RYR2: variants seen among roughly 807,000 people sequenced by gnomAD.
RYR2 encodes cardiac muscle ryanodine receptor-calcium release channel.
A neutral mutation model predicts 601.1 loss-of-function variants in RYR2; 227 were observed. The ratio of observed to expected loss-of-function variants is 0.38; its 90% CI spans 0.34 to 0.42. The LOEUF is 0.42. Ranked by LOEUF, RYR2 falls within the 10% of genes least tolerant of loss-of-function variation. RYR2 has a pLI of 1.00. For synonymous variants in RYR2, 2,223 were observed against 2,175.1 expected, an observed-to-expected ratio of 1.02 and a Z score of -0.61; for missense variants, 4,646 against 6,156.5, an observed-to-expected ratio of 0.75 and a Z score of 8.21.
intron 94 of RYR2, 85 bp downstream of exon 94, chr1:237,792,408 T>C (rs564072648): frequency 6.8e-5 from 49 of 716,590 alleles, no homozygotes; most frequent in Admixed American, 1.2e-4. Context: ...CGTGTGTGTG[T>C]GTGTGTGTGT....
intron 24 of RYR2, among the ~76,000 whole-genome samples, chr1:237,518,351 C>T (rs928934614): frequency 6.6e-6 from 1 of 151,966 alleles, no homozygotes; most frequent in Admixed American, 6.6e-5. Context: ...TGAGGGTATC[C>T]ATCACCCAGT....
At chr1:237,141,719 T>C (rs1673412200) in intron 1 of RYR2, among the ~76,000 whole-genome samples, 2 of 152,232 alleles carry the variant, frequency 1.3e-5, no homozygotes, top group African/African-American at 4.8e-5. Context: ...TTTAAGCTGC[T>C]TTTAAGCTAA....
At chr1:237,374,932 T>A (rs549003933) in intron 7 of RYR2, 137 bp downstream of exon 7, 1 of 672,076 alleles carries the variant, frequency 1.5e-6, no homozygotes, top group Non-Finnish European at 2.5e-6. Context: ...AATGAAAGTT[T>A]TTCCTAGAAG....
intron 63 of RYR2, among the ~76,000 whole-genome samples, chr1:237,695,722 T>C (rs1687364309): frequency 6.6e-6 from 1 of 152,202 alleles, no homozygotes; most frequent in Non-Finnish European, 1.5e-5. Flanking sequence ...TCACATTATT[T>C]TAGGCTTCTT....
intron 63 of RYR2, among the ~76,000 whole-genome samples, chr1:237,690,488 G>C (rs1332998150): frequency 2.0e-5 from 3 of 152,182 alleles, no homozygotes; most frequent in Non-Finnish European, 4.4e-5. Context: ...AAAATTATTA[G>C]ATTTTATTAA....
chr1:237,322,438 G>C (rs1344782585), intron 2 of RYR2, among the ~76,000 whole-genome samples: 9 of 152,096 alleles, frequency 5.9e-5, no homozygotes, highest in Non-Finnish European at 1.3e-4. Flanking sequence ...ATGAGACAAG[G>C]AACTATGGCT....
At chr1:237,822,089 G>A (rs945141224) in intron 101 of RYR2, among the ~76,000 whole-genome samples, 1 of 152,058 alleles carries the variant, frequency 6.6e-6, no homozygotes, top group East Asian at 1.9e-4. Flanking sequence ...GAACCAAGTT[G>A]GAAAACACTC....
intron 1 of RYR2, among the ~76,000 whole-genome samples, chr1:237,124,541 G>C (rs1427285598): frequency 6.6e-6 from 1 of 152,204 alleles, no homozygotes; most frequent in Non-Finnish European, 1.5e-5. Context: ...GGTTCTAGGA[G>C]AGAATCCGTT....
At chr1:237,666,247 T>C (rs1053810038) in intron 56 of RYR2, among the ~76,000 whole-genome samples, 5 of 152,230 alleles carry the variant, frequency 3.3e-5, no homozygotes, top group Non-Finnish European at 7.3e-5. Context: ...CATAAGATAA[T>C]GTTTCAGAAT....
chr1:237,580,155 C>CTTTTTTTTTTT (rs58145628), intron 29 of RYR2, among the ~76,000 whole-genome samples: 28 of 116,624 alleles, frequency 2.4e-4, no homozygotes, highest in Non-Finnish European at 3.9e-4. Flanking sequence ...CACAACAATT[C>CTTTTTTTTTTT]TTTTTTTTTT....
At chr1:237,623,272 T>A (rs1247761412) in intron 38 of RYR2, among the ~76,000 whole-genome samples, 1 of 152,158 alleles carries the variant, frequency 6.6e-6, no homozygotes, top group Non-Finnish European at 1.5e-5. Flanking sequence ...CTGGTTGGAT[T>A]GTGTGATGGA....
chr1:237,308,645 T>C (rs12164577), intron 2 of RYR2, among the ~76,000 whole-genome samples: 67,971 of 151,848 alleles, frequency 0.45, 15,984 homozygotes, highest in African/African-American at 0.59. Flanking sequence ...TTCCTGGTCT[T>C]GCTGGCCTCA....
At chr1:237,672,619 C>T (rs1450878618) in intron 58 of RYR2, among the ~76,000 whole-genome samples, 3 of 152,150 alleles carry the variant, frequency 2.0e-5, no homozygotes, top group East Asian at 3.8e-4. Context: ...TCAAAAACTG[C>T]TCTTGTAGCT....
At position 237,084,058 on chromosome 1, in the gene RYR2, C is replaced by T. The variant is rs1176184037; in HGVS notation, c.48+41489C>T. On this transcript the variant is annotated intron_variant, in intron 1 of 104. Transcript: ENST00000366574. ...GGGCCTCTCTTGGTTCTCTCACTGTCCAAGTGTGAATGCCTCCAGAGTTTG... is the reference window on the plus strand; with the variant it reads ...GGGCCTCTCTTGGTTCTCTCACTGTTCAAGTGTGAATGCCTCCAGAGTTTG... Among the ~76,000 whole-genome samples the T allele has an allele frequency of 3.3e-5, 5 of 152,268 alleles. 1 individual carries two copies. The East Asian group carries it at 9.7e-4, about 29-fold the overall frequency.
At chr1:237,769,132 ATTGAT>A (rs1407526089) in intron 84 of RYR2, among the ~76,000 whole-genome samples, 6 of 152,154 alleles carry the variant, frequency 3.9e-5, no homozygotes, top group East Asian at 3.9e-4. Flanking sequence ...GGTTTATTGA[ATTGAT>A]TTGTTTTTTG....
intron 16 of RYR2, among the ~76,000 whole-genome samples, chr1:237,461,070 C>G (rs966739864): frequency 6.6e-6 from 1 of 152,102 alleles, no homozygotes; most frequent in Non-Finnish European, 1.5e-5. Context: ...ATGGATTAGC[C>G]AATAGAGCAC....
rs534301298 is a variant in RYR2, at chr1:237,545,474, C to T, written c.2907-2957C>T. On this transcript the variant is annotated intron_variant, in intron 25 of 104. Coordinates refer to ENST00000366574, the MANE Select transcript of RYR2 (RefSeq NM_001035.3). The stretch of plus-strand genomic sequence containing the variant: ...CGATCAGTGATTCACAGGTGGATAT[C>T]GAAACTTCATCATCTGTGTGGCCTC... Among the ~76,000 whole-genome samples the T allele has an allele frequency of 1.2e-4, 18 of 152,260 alleles. No individual in the cohort carries two copies. The East Asian group carries it at 2.1e-3, about 18-fold the overall frequency.
chr1:237,195,150 A>C (rs888779114), intron 1 of RYR2, among the ~76,000 whole-genome samples: 1 of 152,246 alleles, frequency 6.6e-6, no homozygotes, highest in Non-Finnish European at 1.5e-5. Flanking sequence ...GAACGTGCTC[A>C]TTGTATACAT....
At chr1:237,274,289 A>G (rs562326722) in intron 2 of RYR2, among the ~76,000 whole-genome samples, 8 of 151,710 alleles carry the variant, frequency 5.3e-5, no homozygotes, top group African/African-American at 1.7e-4. Context: ...CAGTGGTCCC[A>G]TAAGATCATA....
Sources: allele counts gnomAD v4.1 joint callset (sites outside exome capture counted in the v4.1 genomes callset), GRCh38; gene constraint gnomAD v4.1.1; transcripts MANE v1.5; gene names NCBI Gene and HGNC (gene_info 2026-07-23, HGNC 2026-07-21).